Variants in NLN observed in about 807,000 individuals in gnomAD.
NLN encodes the protein neurolysin.
NLN carries 64 observed loss-of-function variants against 79.9 expected under a neutral mutation model. The ratio of observed to expected loss-of-function variants is 0.80; its 90% CI spans 0.65 to 0.99. NLN has a LOEUF of 0.99. NLN is among the 50% of genes least tolerant of loss of function. The pLI is 0.00. For synonymous variants in NLN, 267 were observed against 296.6 expected, an observed-to-expected ratio of 0.90 and a Z score of 1.02; for missense variants, 835 against 858.7, an observed-to-expected ratio of 0.97 and a Z score of 0.34.
intron 2 of NLN, among the ~76,000 whole-genome samples, chr5:65,759,196 C>T (rs1427349180): frequency 6.6e-6 from 1 of 151,792 alleles, no homozygotes; most frequent in African/African-American, 2.4e-5. Flanking sequence ...GAAACAATTC[C>T]CAAATGTCAA....
intron 9 of NLN, 88 bp from the exon 10 acceptor site, chr5:65,809,427 C>G: frequency 8.9e-7 from 1 of 1,121,158 alleles, no homozygotes; most frequent in Non-Finnish European, 1.3e-6. Context: ...CTGATTCTGC[C>G]TTAAGTTTTC....
At chr5:65,738,938 T>TATA (rs1406669523) in intron 1 of NLN, among the ~76,000 whole-genome samples, 5 of 115,198 alleles carry the variant, frequency 4.3e-5, no homozygotes, top group African/African-American at 1.7e-4. Flanking sequence ...GTATATATAT[T>TATA]TTTTATATAT....
intron 8 of NLN, among the ~76,000 whole-genome samples, chr5:65,792,084 G>T (rs1760073402): frequency 6.6e-6 from 1 of 152,148 alleles, no homozygotes; most frequent in Admixed American, 6.6e-5. Context: ...GAGTCAAACT[G>T]TATCTTTTAT....
rs1445814374 is a variant in NLN, at chr5:65,828,322, A to G, written c.*5407A>G. The G allele has an allele frequency of 6.6e-6, 1 of 152,230 alleles. No individual in the cohort carries two copies. Among genetic ancestry groups the G allele is most frequent in the Non-Finnish European group, 1.5e-5 (1 of 68,050 alleles). The allele number at this position is 152,230 out of a possible 1,614,324, so 9.4% of individuals were successfully genotyped here. A position where few individuals can be genotyped will look rare whatever the true frequency, so the allele number is the denominator to read the frequency against. ...GTGTAAGATCAATTACTGTTGGAAT[A>G]TTGTGTTCCTTTCTAGATATCACAT... On this transcript the variant is annotated 3_prime_UTR_variant, in exon 13 of 13. Transcript: ENST00000380985.
At position 65,788,823 on chromosome 5, in the gene NLN, T is replaced by C. The variant is rs984390116; in HGVS notation, c.1325+339T>C. Among the ~76,000 whole-genome samples the C allele has an allele frequency of 7.2e-5, 11 of 152,128 alleles. No individual in the cohort carries two copies. The East Asian group carries it at 1.9e-3, about 27-fold the overall frequency. On this transcript the variant is annotated intron_variant, in intron 8 of 12. Transcript: ENST00000380985. ...TCTGTTGCTACAAAAAATACAAAAA[T>C]TAGCCAGGTGTAGTGGTACATGCCT... is the stretch of plus-strand genomic sequence containing the variant.
chr5:65,730,014 T>C (rs147390449), intron 1 of NLN, among the ~76,000 whole-genome samples: 10 of 152,370 alleles, frequency 6.6e-5, no homozygotes, highest in African/African-American at 1.4e-4. Context: ...CGTATCTGTT[T>C]CCTCCTCAGT....
At chr5:65,820,597 A>G (rs1345406208) in intron 12 of NLN, among the ~76,000 whole-genome samples, 1 of 152,176 alleles carries the variant, frequency 6.6e-6, no homozygotes, top group African/African-American at 2.4e-5. Flanking sequence ...AAGAGCCATG[A>G]TATGCTCCTT....
In NLN at chr5:65,771,963, C is replaced by CAAAAAAA. The variant is rs3081187; in HGVS notation, c.451-5456_451-5450dup. On this transcript the variant is annotated intron_variant, in intron 3 of 12. Transcript: ENST00000380985. ...AAGAACCACTACCTTAAAACAATGA[C>CAAAAAAA]AAAAAAAAAAAAAAGATATCCCAAA... 2.2e-5 allele frequency among the ~76,000 whole-genome samples: 3 copies of CAAAAAAA among 137,778 alleles called. 1 individual carries two copies. The highest frequency in any genetic ancestry group is 4.7e-5 in the Non-Finnish European group (3 of 64,314). 90.4% of individuals were successfully genotyped at this position (137,778 alleles called of 152,430 possible).
At chr5:65,787,236 T>TTATA (rs747187984) in intron 7 of NLN, among the ~76,000 whole-genome samples, 17 of 147,390 alleles carry the variant, frequency 1.2e-4, no homozygotes, top group African/African-American at 3.4e-4. Flanking sequence ...CTCTCTCTCT[T>TTATA]TATATATATA....
chr5:65,809,104 CA>C (rs1266126467), intron 9 of NLN: 1 of 158,926 alleles, frequency 6.3e-6, no homozygotes, highest in Admixed American at 6.2e-5. Context: ...ATTGAGTAAA[CA>C]AAAGTAAGCA....
rs1166223725 is a variant in NLN, at chr5:65,722,473, G to A, written c.41+59G>A. Reference sequence around the variant, plus strand: ...GGCAGGGCGGGGTCTTTCGCCGTGTGGTGCCTGGAGCCCGGACCCACCCCT... The same window carrying A: ...GGCAGGGCGGGGTCTTTCGCCGTGTAGTGCCTGGAGCCCGGACCCACCCCT... On this transcript the variant is annotated intron_variant, in intron 1 of 12. Transcript: ENST00000380985. The A allele has an allele frequency of 3.4e-6, 5 of 1,456,674 alleles. No individual in the cohort carries two copies. In the African/African-American group the frequency reaches 4.3e-5, roughly 13 times the overall value. 90.2% of individuals were successfully genotyped at this position (1,456,674 alleles called of 1,614,324 possible). A position where few individuals can be genotyped will look rare whatever the true frequency, so the allele number is the denominator to read the frequency against.
rs1038414185 is a variant in NLN at position 65,738,347 on chromosome 5, G to A, written c.41+15933G>A. On this transcript the variant is annotated intron_variant, in intron 1 of 12. Coordinates refer to ENST00000380985, the MANE Select transcript of NLN (RefSeq NM_020726.5). ...GCCATAATCCCAGCACTCCTAGGAG[G>A]ATGAGGCAGGAGGATTGCAGGAGCC... Among the ~76,000 whole-genome samples, 3 of 152,040 alleles carry A rather than the reference G, an allele frequency of 2.0e-5. No homozygotes were observed. In the South Asian group the frequency reaches 6.2e-4, roughly 32 times the overall value.
chr5:65,764,172 A>G (rs1054099327), intron 3 of NLN, among the ~76,000 whole-genome samples: 9 of 151,744 alleles, frequency 5.9e-5, no homozygotes, highest in African/African-American at 1.9e-4. Flanking sequence ...CCTTTGATTA[A>G]TCCTATTTTC....
chr5:65,763,745 A>T (rs201829364), intron 3 of NLN, among the ~76,000 whole-genome samples: 3 of 29,716 alleles, frequency 1.0e-4, no homozygotes, highest in African/African-American at 4.1e-4. Flanking sequence ...AATCCTAATT[A>T]CTTTTTCCTT....
chr5:65,809,309 G>A (rs1005040887), intron 9 of NLN: 1 of 480,064 alleles, frequency 2.1e-6, no homozygotes, highest in Non-Finnish European at 3.6e-6. Flanking sequence ...AATTACTACT[G>A]TAATATAGAG....
At chr5:65,822,701 A>C in intron 12 of NLN, 80 bp from the exon 13 acceptor site, 2 of 1,049,008 alleles carry the variant, frequency 1.9e-6, no homozygotes, top group Non-Finnish European at 3.0e-6. Context: ...CTTCACCCCT[A>C]CCCTCTCCTC....
chr5:65,806,620 A>G (rs909904169), intron 9 of NLN, among the ~76,000 whole-genome samples: 2 of 152,228 alleles, frequency 1.3e-5, no homozygotes, highest in Non-Finnish European at 1.5e-5. Context: ...AGGATGAGCA[A>G]CAGAAGTGAC....
In NLN at chr5:65,792,447, C is replaced by T. The variant is rs757259203; in HGVS notation, c.1326-7C>T. 6.2e-7 allele frequency: 1 copy of T among 1,607,690 alleles called. No individual in the cohort carries two copies. The highest frequency in any genetic ancestry group is 1.7e-5 in the Admixed American group (1 of 59,826). On this transcript the variant is annotated splice_polypyrimidine_tract_variant and splice_region_variant and intron_variant, in intron 8 of 12. Transcript: ENST00000380985. ...CTATGTTGCCAACGCGTGTTTCTGG[C>T]TCCTAGGGAAGGAAAATACAATCAT... is the stretch of plus-strand genomic sequence containing the variant.
chr5:65,777,720 T>A (rs1480235305), intron 4 of NLN, among the ~76,000 whole-genome samples, 186 bp downstream of exon 4: 1 of 152,146 alleles, frequency 6.6e-6, no homozygotes, highest in African/African-American at 2.4e-5. Flanking sequence ...CGTGCTCTAC[T>A]GGTAATAATG....
Sources: gnomAD v4.1 joint callset for allele counts (sites outside exome capture counted in the v4.1 genomes callset) on GRCh38, gnomAD v4.1.1 for gene constraint, MANE v1.5 for transcripts, NCBI Gene and HGNC (gene_info 2026-07-23, HGNC 2026-07-21) for gene names.